FMN2: variants seen among roughly 807,000 people sequenced by gnomAD.
FMN2 encodes the protein formin 2.
A neutral mutation model predicts 142.3 loss-of-function variants in FMN2; 51 were observed. The observed-to-expected ratio is 0.36, with a 90% CI of 0.29 to 0.45. The LOEUF is 0.45. Ranked by LOEUF, FMN2 falls within the 20% of genes least tolerant of loss-of-function variation. The probability of loss-of-function intolerance (pLI) is 1.00; values close to 1 mark genes in which losing one functional copy is unlikely to be tolerated. For missense variants in FMN2, 1,936 were observed against 2,122.8 expected, an observed-to-expected ratio of 0.91 and a Z score of 1.73; for synonymous variants, 882 against 869.8, an observed-to-expected ratio of 1.01 and a Z score of -0.25.
chr1:240,103,680 T>C (rs1160819945), intron 1 of FMN2, among the ~76,000 whole-genome samples: 1 of 152,136 alleles, frequency 6.6e-6, no homozygotes, highest in Non-Finnish European at 1.5e-5. Flanking sequence ...TAAATCCCTA[T>C]CAACAGCCTC....
rs759799325 is a variant in FMN2 at position 240,355,821 on chromosome 1, G to GAAGTTGA, written c.4773_4779dup (p.Ala1594SerfsTer2). ...AATGTTCTGTCTAATTTCAGCCTGT[G>GAAGTTGA]AAGTTGAAGCAGGGAAAGTATACCA... On this transcript the variant is annotated frameshift_variant, in exon 14 of 18. Transcript: ENST00000319653. LOFTEE classifies it high-confidence loss of function. 1 of 1,610,244 alleles carries GAAGTTGA rather than the reference G, an allele frequency of 6.2e-7. No individual in the cohort carries two copies. Among genetic ancestry groups the GAAGTTGA allele is most frequent in the Non-Finnish European group, 8.5e-7 (1 of 1,177,244 alleles).
chr1:240,421,993 G>A (rs1674783139), intron 15 of FMN2, among the ~76,000 whole-genome samples: 1 of 152,156 alleles, frequency 6.6e-6, no homozygotes, highest in South Asian at 2.1e-4. Context: ...GTTTGAAGAG[G>A]CAGAGAGTGA....
intron 15 of FMN2, among the ~76,000 whole-genome samples, chr1:240,424,431 CAT>C (rs1249428752): frequency 1.3e-5 from 2 of 152,252 alleles, no homozygotes; most frequent in East Asian, 3.9e-4. Flanking sequence ...GGAAACCAGA[CAT>C]ATTGACATCA....
At chr1:240,288,797 A>C (rs545024462) in intron 7 of FMN2, among the ~76,000 whole-genome samples, 1 of 152,246 alleles carries the variant, frequency 6.6e-6, no homozygotes, top group South Asian at 2.1e-4. Context: ...ATCTGGCAAG[A>C]AACTGAGTCA....
At chr1:240,406,300 CGAAGGGAAGCAGCCTCG>C (rs1558475094) in intron 15 of FMN2, among the ~76,000 whole-genome samples, 29 of 67,086 alleles carry the variant, frequency 4.3e-4, no homozygotes, top group South Asian at 1.5e-3. Flanking sequence ...GTGGGGGGAG[CGAAGGGAAGCAGCCTCG>C]GGAGTGGGGG....
chr1:240,101,623 C>A (rs1170411079), intron 1 of FMN2, among the ~76,000 whole-genome samples: 2 of 151,952 alleles, frequency 1.3e-5, no homozygotes, highest in African/African-American at 4.8e-5. Context: ...CAGCCTCAAA[C>A]TCCTGGTCCC....
intron 14 of FMN2, among the ~76,000 whole-genome samples, chr1:240,387,944 G>A (rs765234224): frequency 6.6e-6 from 1 of 151,924 alleles, no homozygotes; most frequent in Non-Finnish European, 1.5e-5. Context: ...TTGGGAGGCC[G>A]AGGCGGGTGG....
intron 1 of FMN2, among the ~76,000 whole-genome samples, chr1:240,112,409 C>T (rs192999166): frequency 1.2e-3 from 175 of 151,942 alleles, no homozygotes; most frequent in Middle Eastern, 6.8e-3. Flanking sequence ...GGATTACAGG[C>T]GTGAGCCACT....
intron 14 of FMN2, among the ~76,000 whole-genome samples, chr1:240,359,403 T>C (rs917600562): frequency 2.0e-5 from 3 of 152,168 alleles, no homozygotes; most frequent in Non-Finnish European, 4.4e-5. Flanking sequence ...CCTCAAAATA[T>C]AAAATCTCTT....
intron 1 of FMN2, among the ~76,000 whole-genome samples, chr1:240,099,887 C>G (rs1661356638): frequency 6.6e-6 from 1 of 152,054 alleles, no homozygotes; most frequent in Non-Finnish European, 1.5e-5. Flanking sequence ...GCCTGTTCAC[C>G]CGATTCCATC....
At chr1:240,239,287 G>T (rs1667813668) in intron 6 of FMN2, among the ~76,000 whole-genome samples, 1 of 152,108 alleles carries the variant, frequency 6.6e-6, no homozygotes, top group African/African-American at 2.4e-5. Flanking sequence ...AGAATTGTTT[G>T]ACACAATATG....
intron 15 of FMN2, among the ~76,000 whole-genome samples, chr1:240,418,732 AT>A (rs1461330528): frequency 6.7e-6 from 1 of 149,258 alleles, no homozygotes. Context: ...GTTCTATTTT[AT>A]TATTTTAAAC....
intron 13 of FMN2, 74 bp from the exon 14 acceptor site, chr1:240,355,742 T>A (rs958379178): frequency 1.0e-6 from 1 of 1,001,326 alleles, no homozygotes; most frequent in East Asian, 2.5e-5. Context: ...TAACATTAGC[T>A]AAGATGTTTT....
intron 13 of FMN2, among the ~76,000 whole-genome samples, chr1:240,341,629 A>G (rs139941650): frequency 1.3e-5 from 2 of 152,332 alleles, no homozygotes; most frequent in African/African-American, 4.8e-5. Flanking sequence ...ATTGTGATAG[A>G]GACCTTCTAT....
intron 7 of FMN2, among the ~76,000 whole-genome samples, chr1:240,272,763 C>A (rs1045244689): frequency 6.6e-6 from 1 of 152,164 alleles, no homozygotes; most frequent in Admixed American, 6.6e-5. Context: ...GACATGTTAT[C>A]TTTTGGCATG....
At chr1:240,248,016 C>T (rs1241643484) in intron 6 of FMN2, among the ~76,000 whole-genome samples, 1 of 151,886 alleles carries the variant, frequency 6.6e-6, no homozygotes, top group East Asian at 1.9e-4. Context: ...GTTAACTATG[C>T]TCACCCTCCT....
intron 16 of FMN2, among the ~76,000 whole-genome samples, chr1:240,446,366 G>T (rs528197965): frequency 1.3e-5 from 2 of 152,300 alleles, no homozygotes; most frequent in South Asian, 4.1e-4. Context: ...TTTTAGTTTG[G>T]TAAGGATTTG....
chr1:240,159,933 T>TC (rs1664201654), intron 2 of FMN2, among the ~76,000 whole-genome samples: 8 of 68,806 alleles, frequency 1.2e-4, no homozygotes, highest in East Asian at 4.6e-4. Flanking sequence ...ATATATATAT[T>TC]TGTGTATATA....
At chr1:240,152,340 T>C (rs1473455667) in intron 2 of FMN2, among the ~76,000 whole-genome samples, 1 of 152,200 alleles carries the variant, frequency 6.6e-6, no homozygotes, top group Non-Finnish European at 1.5e-5. Flanking sequence ...ACATTCCTTT[T>C]ATTCCTTCCC....
Sources: gnomAD v4.1 joint callset for allele counts (sites outside exome capture counted in the v4.1 genomes callset) on GRCh38, gnomAD v4.1.1 for gene constraint, MANE v1.5 for transcripts, NCBI Gene and HGNC (gene_info 2026-07-23, HGNC 2026-07-21) for gene names.